CSMD1: variants seen among roughly 807,000 people sequenced by gnomAD.
The protein encoded by CSMD1 is CUB and Sushi multiple domains 1, also known as CUB and sushi domain-containing protein 1.
In CSMD1, 213 loss-of-function variants were observed where a neutral mutation model predicts 417.5. That is an observed-to-expected ratio of 0.51 (90% CI 0.46 to 0.57). CSMD1 has a LOEUF of 0.57. CSMD1 is among the 20% of genes least tolerant of loss of function. CSMD1 has a pLI of 0.00. For missense variants in CSMD1, 6,923 were observed against 4,529.7 expected, an observed-to-expected ratio of 1.53 and a Z score of -15.17; for synonymous variants, 2,862 against 1,736.8, an observed-to-expected ratio of 1.65 and a Z score of -16.11.
At chr8:3,376,830 G>T (rs35968440) in intron 18 of CSMD1, among the ~76,000 whole-genome samples, 12,742 of 151,850 alleles carry the variant, frequency 0.084, 701 homozygotes, top group Middle Eastern at 0.15. Flanking sequence ...AATGTTTAAA[G>T]GTTTAAATAT....
At position 3,775,551 on chromosome 8, in the gene CSMD1, G is replaced by C. The variant is rs144999819; in HGVS notation, c.819-21509C>G. Among the ~76,000 whole-genome samples the C allele has an allele frequency of 1.5e-3, 221 of 152,284 alleles. 1 individual carries two copies. The highest frequency in any genetic ancestry group is 5.0e-3 in the African/African-American group (207 of 41,540). ...TTAAAAGCAGGGAGAACTTTTACAA[G>C]AGCGCAACTTCAAATGATCTCCAGT... On this transcript the variant is annotated intron_variant, in intron 5 of 69. Coordinates refer to ENST00000635120, the MANE Select transcript of CSMD1 (RefSeq NM_033225.6).
intron 5 of CSMD1, among the ~76,000 whole-genome samples, chr8:3,793,501 C>T (rs551601956): frequency 6.7e-6 from 1 of 150,282 alleles, no homozygotes; most frequent in East Asian, 2.0e-4. Flanking sequence ...TCTTGTGCCC[C>T]CCTCTCTAGG....
chr8:3,929,420 C>T (rs1809982069), intron 5 of CSMD1, among the ~76,000 whole-genome samples: 1 of 150,328 alleles, frequency 6.7e-6, no homozygotes, highest in African/African-American at 2.5e-5. Flanking sequence ...CAACCTTCCC[C>T]ACATGAGAAG....
intron 2 of CSMD1, among the ~76,000 whole-genome samples, chr8:4,429,308 C>T (rs111795196): frequency 2.2e-4 from 33 of 152,174 alleles, no homozygotes; most frequent in Admixed American, 5.9e-4. Flanking sequence ...TTTTGCTTCA[C>T]TGCTCTTCAA....
At chr8:4,424,695 C>G (rs62481002) in intron 2 of CSMD1, among the ~76,000 whole-genome samples, 23,671 of 151,976 alleles carry the variant, frequency 0.16, 2,029 homozygotes, top group South Asian at 0.29. Flanking sequence ...TAACTGCCAT[C>G]TGACCAAACA....
intron 5 of CSMD1, among the ~76,000 whole-genome samples, chr8:3,973,715 T>C (rs1224303095): frequency 6.6e-6 from 1 of 152,206 alleles, no homozygotes; most frequent in Non-Finnish European, 1.5e-5. Context: ...TTTATCACTT[T>C]GCAAGAACAG....
In CSMD1 at chr8:2,965,894, G is replaced by A. The variant is rs1441692904; in HGVS notation, c.9161C>T (p.Thr3054Ile). 6.2e-7 allele frequency: 1 copy of A among 1,610,404 alleles called. No individual in the cohort carries two copies. Among genetic ancestry groups the A allele is most frequent in the Admixed American group, 1.7e-5 (1 of 59,652 alleles). ...ANGIQFGTDFTFNKTVSYQCN... is the reference protein window; with the variant it reads ...ANGIQFGTDFIFNKTVSYQCN... ...CTGATAGCTCACAGTCTTGTTGAAG[G>A]TGAAGTCGGTCCCAAACTGGATGCC... The change falls in exon 59 of 70, where the codon ACC becomes ATC. Residue 3054 changes from threonine (T) to isoleucine (I), a missense_variant. Thr to Ile is a moderately conservative substitution (Grantham distance 89, BLOSUM62 -1). Transcript: ENST00000635120.
At chr8:4,122,189 C>T (rs2130946849) in intron 3 of CSMD1, among the ~76,000 whole-genome samples, 1 of 152,158 alleles carries the variant, frequency 6.6e-6, no homozygotes, top group East Asian at 1.9e-4. Context: ...ACAGTGACTC[C>T]AACACCGTGT....
rs531637716 is a variant in CSMD1, at chr8:3,929,168, A to C, written c.818+68735T>G. On this transcript the variant is annotated intron_variant, in intron 5 of 69. Coordinates refer to ENST00000635120, the MANE Select transcript of CSMD1 (RefSeq NM_033225.6). The stretch of plus-strand genomic sequence containing the variant: ...TGCCCCCTCTGGAAGGATACACTTA[A>C]CAAGAGTGCAAGGCTGAGGAAAGCT... 4.7e-5 allele frequency among the ~76,000 whole-genome samples: 7 copies of C among 150,296 alleles called. 2 individuals are homozygous for C. Among genetic ancestry groups the C allele is most frequent in the Non-Finnish European group, 1.0e-4 (7 of 67,526 alleles).
intron 3 of CSMD1, among the ~76,000 whole-genome samples, chr8:4,212,302 T>C (rs1209621424): frequency 1.3e-5 from 2 of 152,014 alleles, no homozygotes; most frequent in African/African-American, 4.8e-5. Flanking sequence ...CAAAACTAGA[T>C]ACCTACCACC....
intron 23 of CSMD1, among the ~76,000 whole-genome samples, chr8:3,342,419 G>C (rs79709806): frequency 6.6e-6 from 1 of 152,140 alleles, no homozygotes; most frequent in Non-Finnish European, 1.5e-5. Context: ...TGTTCAGTAT[G>C]ATATAGTTTT....
chr8:4,528,024 T>C (rs1231742351), intron 2 of CSMD1, among the ~76,000 whole-genome samples: 1 of 152,178 alleles, frequency 6.6e-6, no homozygotes, highest in African/African-American at 2.4e-5. Context: ...ATCATGTCAG[T>C]GCTTTGGAAA....
intron 2 of CSMD1, among the ~76,000 whole-genome samples, chr8:4,512,816 T>C (rs1274594155): frequency 7.3e-6 from 1 of 136,952 alleles, no homozygotes; most frequent in Middle Eastern, 4.0e-3. Flanking sequence ...TGTTCATGGA[T>C]TTAAAAAAAA....
intron 5 of CSMD1, among the ~76,000 whole-genome samples, chr8:3,870,639 G>C (rs1451904905): frequency 1.3e-5 from 2 of 152,058 alleles, no homozygotes; most frequent in Non-Finnish European, 2.9e-5. Flanking sequence ...GGTGAAATGG[G>C]ATCTACTTAT....
rs372717606 is a variant in CSMD1 at position 3,205,458 on chromosome 8, T to C, written c.4984+46A>G. 367 of 971,580 alleles carry C rather than the reference T, an allele frequency of 3.8e-4. 4 individuals carry two copies. In the South Asian group the frequency reaches 5.1e-3, roughly 14 times the overall value. 60.2% of individuals were successfully genotyped at this position (971,580 alleles called of 1,614,324 possible). A position where few individuals can be genotyped will look rare whatever the true frequency, so the allele number is the denominator to read the frequency against. ...TATCAAATGACAGAAAAATTAACAC[T>C]GAAAGGAAATATGACAATGAATTAA... On this transcript the variant is annotated intron_variant, in intron 31 of 69. Transcript: ENST00000635120.
At chr8:4,147,227 A>G (rs1420126104) in intron 3 of CSMD1, among the ~76,000 whole-genome samples, 1 of 152,054 alleles carries the variant, frequency 6.6e-6, no homozygotes, top group Non-Finnish European at 1.5e-5. Context: ...AGCACGCATG[A>G]TTTGACTGCT....
At chr8:4,584,858 T>C (rs922171341) in intron 2 of CSMD1, among the ~76,000 whole-genome samples, 1 of 152,140 alleles carries the variant, frequency 6.6e-6, no homozygotes, top group African/African-American at 2.4e-5. Flanking sequence ...AACCAGCTTT[T>C]ATTTAGATTG....
intron 3 of CSMD1, among the ~76,000 whole-genome samples, chr8:4,250,655 G>A (rs73498587): frequency 6.6e-6 from 1 of 151,974 alleles, no homozygotes; most frequent in African/African-American, 2.4e-5. Flanking sequence ...AGATACTATT[G>A]TAATTATCAG....
intron 8 of CSMD1, among the ~76,000 whole-genome samples, chr8:3,613,071 T>C (rs1424139660): frequency 6.6e-6 from 1 of 152,042 alleles, no homozygotes; most frequent in Non-Finnish European, 1.5e-5. Flanking sequence ...AAAATATGAA[T>C]ATCAAGAATT....
Sources: allele counts gnomAD v4.1 joint callset (sites outside exome capture counted in the v4.1 genomes callset), GRCh38; gene constraint gnomAD v4.1.1; transcripts MANE v1.5; gene names NCBI Gene and HGNC (gene_info 2026-07-23, HGNC 2026-07-21).